The following CCDC144A variants were observed in gnomAD, a reference collection of about 807,000 sequenced individuals.
CCDC144A encodes the protein coiled-coil domain-containing protein 144A.
A neutral mutation model predicts 143.8 loss-of-function variants in CCDC144A; 41 were observed. That is an observed-to-expected ratio of 0.29 (90% confidence interval 0.22 to 0.37). The LOEUF (loss-of-function observed/expected upper bound fraction) is 0.37, where lower values mean the gene tolerates loss of function less well. Ranked by LOEUF, CCDC144A falls within the 10% of genes least tolerant of loss-of-function variation. The pLI is 1.00. For missense variants in CCDC144A, 637 were observed against 1,488.8 expected, an observed-to-expected ratio of 0.43 and a Z score of 9.41; for synonymous variants, 242 against 517.9, an observed-to-expected ratio of 0.47 and a Z score of 7.23.
intron 6 of CCDC144A, among the ~76,000 whole-genome samples, chr17:16,714,786 A>C (rs903860892): frequency 3.9e-5 from 6 of 151,910 alleles, no homozygotes; most frequent in Non-Finnish European, 7.4e-5. Flanking sequence ...GTTCCTCCTC[A>C]TACCTAGAAG....
intron 12 of CCDC144A, among the ~76,000 whole-genome samples, chr17:16,736,181 C>T (rs1031547208): frequency 2.7e-5 from 4 of 150,016 alleles, no homozygotes; most frequent in South Asian, 2.1e-4. Context: ...AAATCTGAGA[C>T]GATTTCAGTC....
upstream of CCDC144A, among the ~76,000 whole-genome samples, chr17:16,685,777 C>T (rs1011460648): frequency 6.6e-6 from 1 of 151,510 alleles, no homozygotes. Context: ...TTTATTTTTA[C>T]TTATTTATTT....
chr17:16,742,192 C>T (rs542694639), intron 12 of CCDC144A, among the ~76,000 whole-genome samples: 1 of 152,268 alleles, frequency 6.6e-6, no homozygotes, highest in Admixed American at 6.5e-5. Context: ...CATTAACCAG[C>T]CTCTCCCCAT....
chr17:16,720,262 T>G (rs754587096), intron 7 of CCDC144A, 31 bp downstream of exon 7: 11 of 1,521,102 alleles, frequency 7.2e-6, no homozygotes, highest in African/African-American at 1.4e-5. Flanking sequence ...ATCTAAAATA[T>G]TGTTTTTAAA....
chr17:16,742,055 C>T (rs1413696310), intron 12 of CCDC144A, among the ~76,000 whole-genome samples: 2 of 150,936 alleles, frequency 1.3e-5, no homozygotes, highest in Non-Finnish European at 2.9e-5. Context: ...CACCACTGCA[C>T]GCCAAGCCTG....
chr17:16,719,592 A>C (rs1046029187), intron 6 of CCDC144A, among the ~76,000 whole-genome samples: 1 of 152,184 alleles, frequency 6.6e-6, no homozygotes, highest in Non-Finnish European at 1.5e-5. Context: ...GGCTGAGGAC[A>C]GTCACTTGGC....
chr17:16,710,531 A>G (rs1168089642), intron 5 of CCDC144A, among the ~76,000 whole-genome samples: 1 of 152,164 alleles, frequency 6.6e-6, no homozygotes, highest in African/African-American at 2.4e-5. Context: ...ATTTTTCAAC[A>G]ACAAGTATAT....
intron 12 of CCDC144A, chr17:16,746,524 T>C (rs1468223702): frequency 6.2e-7 from 1 of 1,613,702 alleles, no homozygotes; most frequent in East Asian, 2.2e-5. Context: ...AGTAGGTTTC[T>C]AAAAACTTCT....
rs773472123 is a variant in CCDC144A, at chr17:16,693,095, TA to T, written c.415+52del. 2.6e-6 allele frequency: 4 copies of T among 1,564,670 alleles called. No individual in the cohort carries two copies. In the East Asian group the frequency reaches 9.1e-5, roughly 36 times the overall value. ...TTATTTTTGGTGGTCCTACCATAGG[TA>T]AAAAAGAAGTAAGAGTAAGGAAGTT... is the stretch of plus-strand genomic sequence containing the variant. On this transcript the variant is annotated intron_variant, in intron 2 of 16. Transcript: ENST00000399273.
rs1325957611 is a variant in CCDC144A, at chr17:16,751,787, G to T, written c.3373-9638G>T. 3.3e-5 allele frequency among the ~76,000 whole-genome samples: 5 copies of T among 152,368 alleles called. No homozygotes were observed. In the East Asian group the frequency reaches 7.7e-4, roughly 24 times the overall value. Reference sequence around the variant, plus strand: ...GGGAGGATCCCCGGGCAGGGCTGTGGTTCTGTGGGTGTGCACCTGGTGTGG... The same window carrying T: ...GGGAGGATCCCCGGGCAGGGCTGTGTTTCTGTGGGTGTGCACCTGGTGTGG... On this transcript the variant is annotated intron_variant, in intron 12 of 16. Coordinates refer to ENST00000399273, the MANE Select transcript of CCDC144A (RefSeq NM_001382000.1).
chr17:16,701,885 G>A (rs1008564723), intron 2 of CCDC144A, among the ~76,000 whole-genome samples: 5 of 149,090 alleles, frequency 3.4e-5, no homozygotes, highest in South Asian at 2.1e-4. Context: ...GCGATGGGAC[G>A]GGATAATCTC....
chr17:16,734,035 G>A (rs547950893), intron 11 of CCDC144A, among the ~76,000 whole-genome samples: 18 of 151,794 alleles, frequency 1.2e-4, no homozygotes, highest in African/African-American at 4.4e-4. Flanking sequence ...AGCTACCCAG[G>A]AGGCTGAAGT....
chr17:16,709,415 A>G lies in CCDC144A; in HGVS notation c.1358A>G (p.Asn453Ser). Reference protein sequence around the residue: ...DQEFDLQMTKNMNQNSDSGST... With the variant: ...DQEFDLQMTKSMNQNSDSGST... ...GAGTTTGATTTGCAAATGACAAAAA[A>G]TATGAACCAAAATAGTGACAGTGGC... Residue 453 changes from asparagine to serine, a missense_variant, in exon 5 of 17, where the codon AAT (asparagine) becomes AGT (serine). Physicochemically the swap from Asn to Ser is conservative, Grantham distance 46. Transcript: ENST00000399273. 5.6e-6 allele frequency: 9 copies of G among 1,611,712 alleles called. No individual in the cohort carries two copies. The highest frequency in any genetic ancestry group is 7.6e-6 in the Non-Finnish European group (9 of 1,179,652).
At chr17:16,677,819 A>T in the CCDC144A span, among the ~76,000 whole-genome samples, 2 of 152,004 alleles carry the variant, frequency 1.3e-5, no homozygotes, top group Non-Finnish European at 2.9e-5. Flanking sequence ...AAAAAGAAAA[A>T]AAAAAAAATG....
chr17:16,713,879 A>C (rs940919219), intron 6 of CCDC144A, among the ~76,000 whole-genome samples: 2 of 152,194 alleles, frequency 1.3e-5, no homozygotes, highest in Admixed American at 6.5e-5. Context: ...AGAGTGGTAT[A>C]TACTCATGGA....
chr17:16,773,281 C>A (rs2143420311), intron 16 of CCDC144A, among the ~76,000 whole-genome samples: 1 of 151,810 alleles, frequency 6.6e-6, no homozygotes, highest in South Asian at 2.1e-4. Context: ...GAAACCCTGC[C>A]CCTATAAAAA....
chr17:16,747,471 A>G (rs1204357005), intron 12 of CCDC144A, among the ~76,000 whole-genome samples: 1 of 152,190 alleles, frequency 6.6e-6, no homozygotes, highest in African/African-American at 2.4e-5. Context: ...TAGTAGTTTG[A>G]TAGGAATGGT....
upstream of CCDC144A, chr17:16,690,210 G>A (rs146262278): frequency 7.2e-3 from 3,225 of 446,830 alleles, 19 homozygotes; most frequent in Middle Eastern, 0.011. Flanking sequence ...AGGCGCACTG[G>A]TCTGTAACGG....
the CCDC144A span, among the ~76,000 whole-genome samples, chr17:16,679,440 A>G: frequency 6.6e-6 from 1 of 152,114 alleles, no homozygotes; most frequent in Admixed American, 6.6e-5. Flanking sequence ...TGATGAACCA[A>G]TCATTTCGTG....
Sources: allele counts gnomAD v4.1 joint callset (sites outside exome capture counted in the v4.1 genomes callset), GRCh38; gene constraint gnomAD v4.1.1; transcripts MANE v1.5; gene names NCBI Gene and HGNC (gene_info 2026-07-23, HGNC 2026-07-21).